The following ZNF510 variants were observed in gnomAD, a reference collection of about 807,000 sequenced individuals.
The protein encoded by ZNF510 is zinc finger protein 510.
Under a neutral mutation model 18.1 loss-of-function variants are expected in ZNF510, and 15 were observed. That is an observed-to-expected ratio of 0.83 (90% CI 0.55 to 1.28). The LOEUF is 1.28. ZNF510 is among the 50% of genes most tolerant of loss of function. ZNF510 has a pLI of 0.00. For missense variants in ZNF510, 724 were observed against 791.8 expected, an observed-to-expected ratio of 0.91 and a Z score of 1.03; for synonymous variants, 261 against 266.4, an observed-to-expected ratio of 0.98 and a Z score of 0.20.
chr9:96,763,389 C>A, intron 4 of ZNF510, 117 bp downstream of exon 4: 1 of 1,390,300 alleles, frequency 7.2e-7, no homozygotes, highest in East Asian at 2.3e-5. Flanking sequence ...CTTTGGAATC[C>A]TGAATGAAAA....
chr9:96,775,942 T>C, intron 2 of ZNF510, 58 bp downstream of exon 2: 1 of 1,562,394 alleles, frequency 6.4e-7, no homozygotes, highest in Non-Finnish European at 8.7e-7. Context: ...AGCCCTCCAG[T>C]AATGTGGCTT....
chr9:96,760,507 G>T (rs926210453), intron 5 of ZNF510, 30 bp from the exon 6 acceptor site: 2 of 1,552,304 alleles, frequency 1.3e-6, no homozygotes. Flanking sequence ...AACATCTTAT[G>T]ACTCTTACAT....
Position 96,763,547 on chromosome 9 carries a change from C to T in ZNF510, c.215G>A (p.Arg72Lys). The T allele has an allele frequency of 6.2e-7, 1 of 1,613,108 alleles. No individual in the cohort carries two copies. ...QMAPVQKNLY[R>K]DVMLENYSNL... is the part of the protein sequence containing the mutation. ...GCTGTAGTTCTCCAGCATCACATCT[C>T]TGTACAGATTCTTCTGAACAGGGGC... Residue 72 changes from arginine to lysine, a missense_variant, in exon 4 of 6, where the codon AGA (arginine) becomes AAA (lysine). By Grantham distance (26) the Arg-to-Lys change is conservative (BLOSUM62 2). Transcript: ENST00000223428.
rs780268449 is a variant in ZNF510, at chr9:96,759,197, G to GGTAA, written c.1629_1632dup (p.Gln545LeufsTer4). 6.2e-7 allele frequency: 1 copy of GGTAA among 1,612,950 alleles called. No individual in the cohort carries two copies. The highest frequency in any genetic ancestry group is 8.5e-7 in the Non-Finnish European group (1 of 1,179,704). ...AAGGATTTTTCACATTCATTACACT[G>GGTAA]GTAAGTTTTCTCCCCAGTGTGAGTT... On this transcript the variant is annotated frameshift_variant, in exon 6 of 6. Transcript: ENST00000223428. LOFTEE classifies it low-confidence loss of function (END_TRUNC).
chr9:96,772,732 A>G (rs1392232775), intron 3 of ZNF510, among the ~76,000 whole-genome samples: 4 of 152,228 alleles, frequency 2.6e-5, no homozygotes, highest in Non-Finnish European at 4.4e-5. Flanking sequence ...ATTGATAATA[A>G]CAAGTGTTGC....
At chr9:96,762,070 C>G (rs28530472) in intron 5 of ZNF510, among the ~76,000 whole-genome samples, 8,981 of 151,662 alleles carry the variant, frequency 0.059, 872 homozygotes, top group African/African-American at 0.2. Flanking sequence ...GGAAGGGGGA[C>G]TGGGAAAAAA....
Position 96,758,802 on chromosome 9 carries a change from A to G in ZNF510, c.2028T>C (p.Ile676=). The G allele has an allele frequency of 6.3e-7, 1 of 1,589,486 alleles. No homozygotes were observed. Among genetic ancestry groups the G allele is most frequent in the Non-Finnish European group, 8.6e-7 (1 of 1,167,566 alleles). ...KKSTLSLYQK[I]QGEGNPY ...ATCAATAGGGATTCCCCTCTCCCTG[A>G]ATTTTCTGGTATAAGCTTAGGGTAG... The change falls in exon 6 of 6, where the codon ATT becomes ATC. Residue 676 remains isoleucine, a synonymous_variant. Transcript: ENST00000223428.
At chr9:96,769,519 G>A (rs1849543434) in intron 3 of ZNF510, among the ~76,000 whole-genome samples, 2 of 151,710 alleles carry the variant, frequency 1.3e-5, no homozygotes, top group South Asian at 2.1e-4. Flanking sequence ...ATGAAATCAG[G>A]AGTAAACCTT....
intron 3 of ZNF510, among the ~76,000 whole-genome samples, chr9:96,770,549 A>G (rs10116522): frequency 0.059 from 9,000 of 151,914 alleles, 881 homozygotes; most frequent in African/African-American, 0.2. Flanking sequence ...GTTGCAGTGA[A>G]CTGAGATCGT....
At chr9:96,769,304 G>A (rs2118024565) in intron 3 of ZNF510, among the ~76,000 whole-genome samples, 1 of 152,066 alleles carries the variant, frequency 6.6e-6, no homozygotes, top group Middle Eastern at 3.4e-3. Context: ...GGGCATTGTG[G>A]TGCATGCCTG....
intron 3 of ZNF510, 116 bp downstream of exon 3, chr9:96,774,669 CCTG>C (rs1422960005): frequency 1.1e-6 from 1 of 910,916 alleles, no homozygotes; most frequent in Non-Finnish European, 1.7e-6. Context: ...GTGCTACTGC[CCTG>C]CTTTTCTATA....
At position 96,758,644 on chromosome 9, in the gene ZNF510, G is replaced by A. The variant is rs1000464165; in HGVS notation, c.*134C>T. The A allele has an allele frequency of 1.1e-6, 1 of 903,516 alleles. No homozygotes were observed. The highest frequency in any genetic ancestry group is 1.7e-5 in the African/African-American group (1 of 59,648). The allele number at this position is 903,516 out of a possible 1,614,324, so 56.0% of individuals were successfully genotyped here. A position where few individuals can be genotyped will look rare whatever the true frequency, so the allele number is the denominator to read the frequency against. On this transcript the variant is annotated 3_prime_UTR_variant, in exon 6 of 6. Coordinates refer to ENST00000223428, the MANE Select transcript of ZNF510 (RefSeq NM_014930.3). ...TCTTCATCTGGTTTCTTTCCTATGT[G>A]AATTCTCTGATTCACAGTGAGGGTT...
chr9:96,770,611 A>C (rs1046964100), intron 3 of ZNF510, among the ~76,000 whole-genome samples: 1 of 149,968 alleles, frequency 6.7e-6, no homozygotes, highest in African/African-American at 2.5e-5. Context: ...CTCAAAAAAA[A>C]AATATATATA....
rs374761163 is a variant in ZNF510 at position 96,759,159 on chromosome 9, A to C, written c.1671T>G (p.Asp557Glu). 1.2e-6 allele frequency: 2 copies of C among 1,612,706 alleles called. No individual in the cohort carries two copies. The highest frequency in any genetic ancestry group is 2.7e-5 in the African/African-American group (2 of 74,454). ...GAGTTTTCTGATGTTGAATGAGATGATCTTTTCGCCAGAAGGATTTTTCAC... is the reference window on the plus strand; with the variant it reads ...GAGTTTTCTGATGTTGAATGAGATGCTCTTTTCGCCAGAAGGATTTTTCAC... Reference protein sequence around the residue: ...NECEKSFWRKDHLIQHQKTHT... With the variant: ...NECEKSFWRKEHLIQHQKTHT... The change falls in exon 6 of 6, where the codon GAT becomes GAG. Residue 557 changes from aspartate (D) to glutamate (E), a missense_variant. Coordinates refer to ENST00000223428, the MANE Select transcript of ZNF510 (RefSeq NM_014930.3).
chr9:96,761,313 A>AAAATGACATTTAAGAG (rs1475470911), intron 5 of ZNF510, among the ~76,000 whole-genome samples: 1 of 152,224 alleles, frequency 6.6e-6, no homozygotes, highest in African/African-American at 2.4e-5. Flanking sequence ...TTCTACTGTG[A>AAAATGACATTTAAGAG]AAATGACATT....
At position 96,760,243 on chromosome 9, in the gene ZNF510, T is replaced by C; in HGVS notation, c.587A>G (p.Tyr196Cys). Residue 196 changes from tyrosine (Y) to cysteine (C), a missense_variant, in exon 6 of 6, where the codon TAT becomes TGT. By Grantham distance (194) the Tyr-to-Cys change is radical (BLOSUM62 -2). Coordinates refer to ENST00000223428, the MANE Select transcript of ZNF510 (RefSeq NM_014930.3). ...ISEFIINNRN[Y>C]STKKIGCGNV... ...ACCGCAACCTATTTTCTTTGTTGAATAGTTTCTATTATTAATGATAAATTC... is the reference window on the plus strand; with the variant it reads ...ACCGCAACCTATTTTCTTTGTTGAACAGTTTCTATTATTAATGATAAATTC... 1 of 1,612,580 alleles carries C rather than the reference T, an allele frequency of 6.2e-7. No homozygotes were observed. Among genetic ancestry groups the C allele is most frequent in the Non-Finnish European group, 8.5e-7 (1 of 1,179,340 alleles).
At position 96,757,476 on chromosome 9, in the gene ZNF510, TAAG is replaced by T. The variant is rs1371681411; in HGVS notation, c.*1299_*1301del. 3.3e-5 allele frequency: 5 copies of T among 152,176 alleles called. No individual in the cohort carries two copies. Among genetic ancestry groups the T allele is most frequent in the East Asian group, 1.9e-4 (1 of 5,182 alleles). 9.4% of individuals were successfully genotyped at this position (152,176 alleles called of 1,614,324 possible). On this transcript the variant is annotated 3_prime_UTR_variant, in exon 6 of 6. Coordinates refer to ENST00000223428, the MANE Select transcript of ZNF510 (RefSeq NM_014930.3). Reference sequence around the variant, plus strand: ...TCTCCTTGACTCTCTAGCCTCCTAATAAGGTTTGTGCCCTCTGATTGACTTAAG... The same window carrying T: ...TCTCCTTGACTCTCTAGCCTCCTAATGTTTGTGCCCTCTGATTGACTTAAG...
chr9:96,762,594 GA>G (rs1238056620), intron 5 of ZNF510, among the ~76,000 whole-genome samples: 1 of 152,016 alleles, frequency 6.6e-6, no homozygotes, highest in Non-Finnish European at 1.5e-5. Flanking sequence ...TCAATCAGTG[GA>G]TAAGGGTGTC....
At position 96,755,131 on chromosome 9, in the gene ZNF510, T is replaced by C. The variant is rs1050364092; in HGVS notation, c.*3647A>G. On this transcript the variant is annotated 3_prime_UTR_variant, in exon 6 of 6. Coordinates refer to ENST00000223428, the MANE Select transcript of ZNF510 (RefSeq NM_014930.3). ...CAGGTGAAGCCTGAGTCCCCAGTCA[T>C]GGGGCTTTGCCACCTGGCCTCCCAA... Among the ~76,000 whole-genome samples the C allele has an allele frequency of 1.3e-5, 2 of 152,216 alleles. No homozygotes were observed. Among genetic ancestry groups the C allele is most frequent in the African/African-American group, 4.8e-5 (2 of 41,458 alleles).
Sources: gnomAD v4.1 joint callset for allele counts (sites outside exome capture counted in the v4.1 genomes callset) on GRCh38, gnomAD v4.1.1 for gene constraint, MANE v1.5 for transcripts, NCBI Gene and HGNC (gene_info 2026-07-23, HGNC 2026-07-21) for gene names.